TF: variants seen among roughly 807,000 people sequenced by gnomAD.
TF encodes the protein transferrin.
A neutral mutation model predicts 82.4 loss-of-function variants in TF; 55 were observed. The observed-to-expected ratio is 0.67, with a 90% confidence interval of 0.54 to 0.84. The LOEUF (loss-of-function observed/expected upper bound fraction) is 0.84. Ranked by LOEUF, TF falls within the 40% of genes least tolerant of loss-of-function variation. The probability of loss-of-function intolerance (pLI) is 0.00; values close to 1 mark genes in which losing one functional copy is unlikely to be tolerated. For synonymous variants in TF, 332 were observed against 332.6 expected (o/e 1.00, Z 0.02); for missense variants, 737 against 868.4 (o/e 0.85, Z 1.90).
At chr3:133,724,975 G>A in the TF span, among the ~76,000 whole-genome samples, 52 of 152,110 alleles carry the variant, frequency 3.4e-4, no homozygotes, top group East Asian at 6.0e-3. Context: ...TAGATATGTG[G>A]CGTTATTTCT....
At chr3:133,704,335 G>T in the TF span, 1 of 222,486 alleles carries the variant, frequency 4.5e-6, no homozygotes, top group Admixed American at 4.1e-5. Flanking sequence ...GGGAGTGTCC[G>T]TCTCCATTTT....
chr3:133,771,802 A>T (rs1196465570), intron 14 of TF, among the ~76,000 whole-genome samples: 2 of 151,332 alleles, frequency 1.3e-5, no homozygotes, highest in African/African-American at 2.4e-5. Context: ...TGAACGTTGG[A>T]CAGCCATAAT....
At chr3:133,771,600 G>A (rs1185569380) in intron 14 of TF, among the ~76,000 whole-genome samples, 2 of 151,726 alleles carry the variant, frequency 1.3e-5, no homozygotes, top group East Asian at 1.9e-4. Context: ...AGCCGGGCGC[G>A]GTGGTGGGCG....
intron 9 of TF, 31 bp from the exon 10 acceptor site, chr3:133,764,151 T>TA: frequency 6.3e-7 from 1 of 1,596,346 alleles, no homozygotes; most frequent in Non-Finnish European, 8.6e-7. Context: ...CAGCCTCTTT[T>TA]CATCTGCTGT....
At chr3:133,754,695 C>T (rs758912543) in intron 4 of TF, 24 bp downstream of exon 4, 6 of 1,613,454 alleles carry the variant, frequency 3.7e-6, no homozygotes, top group Non-Finnish European at 5.1e-6. Context: ...AGTCTGGGTG[C>T]CCTCGAGCAG....
At chr3:133,750,983 T>C (rs966894363) in intron 2 of TF, among the ~76,000 whole-genome samples, 6 of 152,158 alleles carry the variant, frequency 3.9e-5, no homozygotes, top group African/African-American at 1.4e-4. Context: ...GGTCTAGTTG[T>C]TGTGGAACAG....
At chr3:133,768,649 A>G (rs1350527811) in intron 13 of TF, among the ~76,000 whole-genome samples, 1 of 152,096 alleles carries the variant, frequency 6.6e-6, no homozygotes, top group Non-Finnish European at 1.5e-5. Context: ...AAGCTTTTCC[A>G]TGCACCTCTG....
the TF span, among the ~76,000 whole-genome samples, chr3:133,723,647 T>TTATTAC: frequency 0.01 from 1,526 of 146,542 alleles, 11 homozygotes; most frequent in African/African-American, 0.016. Context: ...TTTATTATTA[T>TTATTAC]TATTATTATT....
At chr3:133,772,217 A>G (rs1007067745) in intron 14 of TF, among the ~76,000 whole-genome samples, 14 of 152,236 alleles carry the variant, frequency 9.2e-5, no homozygotes, top group Non-Finnish European at 1.5e-4. Flanking sequence ...GTTTGCAGAA[A>G]TATTGGGTTG....
chr3:133,732,860 C>T, the TF span, among the ~76,000 whole-genome samples: 1 of 152,210 alleles, frequency 6.6e-6, no homozygotes, highest in Admixed American at 6.5e-5. Context: ...GGAATTGGGG[C>T]ACTGAGAGCT....
At chr3:133,763,712 A>AT (rs1334777629) in intron 9 of TF, among the ~76,000 whole-genome samples, 1 of 152,250 alleles carries the variant, frequency 6.6e-6, no homozygotes, top group Non-Finnish European at 1.5e-5. Context: ...TGACTCATTC[A>AT]TTAAACATGT....
At chr3:133,729,795 A>T in the TF span, among the ~76,000 whole-genome samples, 55 of 152,156 alleles carry the variant, frequency 3.6e-4, no homozygotes, top group Middle Eastern at 3.4e-3. Context: ...CTATTCGGCC[A>T]TCTTGGCTCC....
the TF span, among the ~76,000 whole-genome samples, chr3:133,705,911 G>C: frequency 6.6e-6 from 1 of 152,192 alleles, no homozygotes; most frequent in Admixed American, 6.5e-5. Context: ...CTATCCTGGG[G>C]TGTAATAATA....
intron 13 of TF, among the ~76,000 whole-genome samples, chr3:133,768,845 T>C (rs999410323): frequency 4.2e-5 from 6 of 143,530 alleles, no homozygotes; most frequent in African/African-American, 1.6e-4. Flanking sequence ...CAGGCTGGAG[T>C]GTAGTGGCAC....
chr3:133,746,420 G>T lies in TF; in HGVS notation c.-21G>T. On this transcript the variant is annotated 5_prime_UTR_variant, in exon 1 of 17. Transcript: ENST00000402696. Reference sequence around the variant, plus strand: ...AGAAGCGAGTCCGACTGTGCTCGCTGCTCAGCGCCGCACCCGGAAGATGAG... The same window carrying T: ...AGAAGCGAGTCCGACTGTGCTCGCTTCTCAGCGCCGCACCCGGAAGATGAG... 6.3e-7 allele frequency: 1 copy of T among 1,594,044 alleles called. No homozygotes were observed. Among genetic ancestry groups the T allele is most frequent in the Middle Eastern group, 1.7e-4 (1 of 5,806 alleles).
At chr3:133,716,713 T>C in the TF span, among the ~76,000 whole-genome samples, 2 of 152,234 alleles carry the variant, frequency 1.3e-5, no homozygotes, top group African/African-American at 4.8e-5. Flanking sequence ...AATACTTCTC[T>C]GCTCAAAGCC....
At position 133,784,083 on chromosome 3, in the gene TF, C is replaced by G. The variant is rs1934582930; in HGVS notation, c.*5463C>G. Reference sequence around the variant, plus strand: ...GGGTCTTCGGGTGGCCGCAATGTCCCAAGTGGACGACACCCACCTAGTCCC... The same window carrying G: ...GGGTCTTCGGGTGGCCGCAATGTCCGAAGTGGACGACACCCACCTAGTCCC... On this transcript the variant is annotated 3_prime_UTR_variant, in exon 17 of 17. Coordinates refer to ENST00000402696, the MANE Select transcript of TF (RefSeq NM_001063.4). 6.6e-6 allele frequency: 1 copy of G among 152,358 alleles called. No homozygotes were observed. Among genetic ancestry groups the G allele is most frequent in the African/African-American group, 2.4e-5 (1 of 41,464 alleles). The allele number at this position is 152,358 out of a possible 1,614,324, so 9.4% of individuals were successfully genotyped here. A position where few individuals can be genotyped will look rare whatever the true frequency, so the allele number is the denominator to read the frequency against.
At chr3:133,728,732 G>C in the TF span, among the ~76,000 whole-genome samples, 1 of 152,198 alleles carries the variant, frequency 6.6e-6, no homozygotes, top group African/African-American at 2.4e-5. Context: ...GAGGCACTCT[G>C]CTTTTTAGAG....
chr3:133,768,116 G>C lies in TF; in HGVS notation c.1574G>C (p.Cys525Ser). ...KLCMGSGLNL[C>S]EPNNKEGYYG... ...TGTATGGGCTCAGGCCTAAACCTGT[G>C]TGAACCCAACAACAAAGAGGGATAC... The change falls in exon 13 of 17, where the codon TGT becomes TCT. Residue 525 changes from cysteine to serine, a missense_variant. Cys to Ser is a moderately radical substitution (Grantham distance 112). Transcript: ENST00000402696. 1.2e-6 allele frequency: 2 copies of C among 1,614,172 alleles called. No individual in the cohort carries two copies. The highest frequency in any genetic ancestry group is 1.7e-6 in the Non-Finnish European group (2 of 1,180,042).
Sources: allele counts gnomAD v4.1 joint callset (sites outside exome capture counted in the v4.1 genomes callset), GRCh38; gene constraint gnomAD v4.1.1; transcripts MANE v1.5; gene names NCBI Gene and HGNC (gene_info 2026-07-23, HGNC 2026-07-21).